The following TMEM132D variants were observed in gnomAD, a reference collection of about 807,000 sequenced individuals.
TMEM132D encodes the protein mature OL transmembrane protein.
Under a neutral mutation model 62.3 loss-of-function variants are expected in TMEM132D, and 21 were observed. The ratio of observed to expected loss-of-function variants is 0.34; its 90% confidence interval spans 0.24 to 0.49. TMEM132D has a LOEUF of 0.49. TMEM132D is among the 20% of genes least tolerant of loss of function. TMEM132D has a pLI of 0.99. For missense variants in TMEM132D, 1,346 were observed against 1,402.8 expected, an observed-to-expected ratio of 0.96 and a Z score of 0.65; for synonymous variants, 621 against 575.6, an observed-to-expected ratio of 1.08 and a Z score of -1.13.
At chr12:129,401,170 G>A (rs1871610495) in intron 3 of TMEM132D, among the ~76,000 whole-genome samples, 1 of 152,162 alleles carries the variant, frequency 6.6e-6, no homozygotes, top group Admixed American at 6.5e-5. Flanking sequence ...TACTGGGGAG[G>A]CTACAGTGAA....
intron 4 of TMEM132D, among the ~76,000 whole-genome samples, chr12:129,263,334 T>G (rs1880600928): frequency 6.6e-6 from 1 of 152,172 alleles, no homozygotes; most frequent in Non-Finnish European, 1.5e-5. Context: ...AGAAAGAACT[T>G]GGACAATAAG....
chr12:129,508,041 G>T lies in TMEM132D; in HGVS notation c.1115+23018C>A, dbSNP rs1277167985. 2.6e-5 allele frequency among the ~76,000 whole-genome samples: 4 copies of T among 152,030 alleles called. No individual in the cohort carries two copies. In the East Asian group the frequency reaches 7.7e-4, roughly 29 times the overall value. On this transcript the variant is annotated intron_variant, in intron 3 of 8. Coordinates refer to ENST00000422113, the MANE Select transcript of TMEM132D (RefSeq NM_133448.3). Reference sequence around the variant, plus strand: ...TTCCAACCCATCAGATTTGTGATAAGCTGATTTATCCTATCTTTAGGAAGA... The same window carrying T: ...TTCCAACCCATCAGATTTGTGATAATCTGATTTATCCTATCTTTAGGAAGA...
At chr12:129,658,685 T>C (rs979174992) in intron 2 of TMEM132D, among the ~76,000 whole-genome samples, 2 of 152,218 alleles carry the variant, frequency 1.3e-5, no homozygotes, top group Non-Finnish European at 2.9e-5. Context: ...GCCTAATTCC[T>C]TAAAATATTC....
intron 2 of TMEM132D, among the ~76,000 whole-genome samples, chr12:129,656,447 A>G (rs947600581): frequency 1.3e-5 from 2 of 152,182 alleles, no homozygotes; most frequent in Admixed American, 6.5e-5. Flanking sequence ...AAAGCTCCAT[A>G]TCTACAGGAG....
At chr12:129,105,942 A>T (rs1875483896) in intron 5 of TMEM132D, among the ~76,000 whole-genome samples, 1 of 151,482 alleles carries the variant, frequency 6.6e-6, no homozygotes, top group African/African-American at 2.5e-5. Flanking sequence ...ACTATAAATC[A>T]TGCTGCTATA....
Position 129,903,376 on chromosome 12 carries a change from C to T in TMEM132D, c.-37G>A, listed in dbSNP as rs1201234980. ...GGAGCGCAGATCCTCCGCTCCCCGG[C>T]GCCGTCCAGGCGAACAAGAGACCGT... On this transcript the variant is annotated 5_prime_UTR_variant, in exon 1 of 9. Transcript: ENST00000422113. This position sits in a 1 kb window ranked among gnomAD's most constrained non-coding sequence, Gnocchi z 6.2. 6.5e-7 allele frequency: 1 copy of T among 1,547,432 alleles called. No homozygotes were observed. Among genetic ancestry groups the T allele is most frequent in the Admixed American group, 2.0e-5 (1 of 51,008 alleles).
rs540085641 is a variant in TMEM132D at position 129,413,629 on chromosome 12, A to C, written c.1116-75812T>G. Among the ~76,000 whole-genome samples, 4 of 152,264 alleles carry C rather than the reference A, an allele frequency of 2.6e-5. No homozygotes were observed. In the East Asian group the frequency reaches 7.7e-4, roughly 29 times the overall value. The stretch of plus-strand genomic sequence containing the variant: ...TTCTTTTTTTGGCAAGCACCTTCCT[A>C]GTAACATTAGTCTTTTGAAAATGAT... On this transcript the variant is annotated intron_variant, in intron 3 of 8. Transcript: ENST00000422113.
At chr12:129,487,305 C>T (rs894327364) in intron 3 of TMEM132D, among the ~76,000 whole-genome samples, 1 of 152,184 alleles carries the variant, frequency 6.6e-6, no homozygotes, top group African/African-American at 2.4e-5. Flanking sequence ...AGGCTTCATA[C>T]ACTGTGGTAC....
At chr12:129,083,112 G>T (rs542667078) in intron 6 of TMEM132D, among the ~76,000 whole-genome samples, 2 of 152,306 alleles carry the variant, frequency 1.3e-5, no homozygotes, top group African/African-American at 4.8e-5. Context: ...TAGACAGAAT[G>T]GATAGCTAAC....
At chr12:129,118,897 T>C (rs1172033177) in intron 5 of TMEM132D, among the ~76,000 whole-genome samples, 1 of 152,204 alleles carries the variant, frequency 6.6e-6, no homozygotes, top group Non-Finnish European at 1.5e-5. Flanking sequence ...GCTGCTCAGC[T>C]ACTCACATGC....
rs149722763 is a variant in TMEM132D at position 129,545,940 on chromosome 12, T to A, written c.969-14735A>T. Among the ~76,000 whole-genome samples, 684 of 152,244 alleles carry A rather than the reference T, an allele frequency of 4.5e-3. 13 individuals are homozygous for A. Among genetic ancestry groups the A allele is most frequent in the Admixed American group, 0.034 (513 of 15,298 alleles). On this transcript the variant is annotated intron_variant, in intron 2 of 8. Coordinates refer to ENST00000422113, the MANE Select transcript of TMEM132D (RefSeq NM_133448.3). Reference sequence around the variant, plus strand: ...AATATGAGGAGGAACATGGTCTACATGGGAATCATAGCAGAAGGAGGGACA... The same window carrying A: ...AATATGAGGAGGAACATGGTCTACAAGGGAATCATAGCAGAAGGAGGGACA...
intron 3 of TMEM132D, among the ~76,000 whole-genome samples, chr12:129,415,262 T>C (rs1337940956): frequency 6.6e-6 from 1 of 152,220 alleles, no homozygotes; most frequent in Non-Finnish European, 1.5e-5. Flanking sequence ...TTTTCTGTAA[T>C]GCCTGTACCA....
intron 5 of TMEM132D, among the ~76,000 whole-genome samples, chr12:129,162,450 T>C (rs1284649670): frequency 6.6e-6 from 1 of 152,102 alleles, no homozygotes; most frequent in Non-Finnish European, 1.5e-5. Flanking sequence ...ACAAATACAG[T>C]GAACATGGAA....
intron 3 of TMEM132D, among the ~76,000 whole-genome samples, chr12:129,479,680 C>T (rs975413506): frequency 2.0e-5 from 3 of 152,208 alleles, no homozygotes; most frequent in Non-Finnish European, 2.9e-5. Context: ...GTGTGAGGGT[C>T]TGAAGAACGC....
At chr12:129,637,052 GC>G (rs1253468309) in intron 2 of TMEM132D, among the ~76,000 whole-genome samples, 1 of 152,096 alleles carries the variant, frequency 6.6e-6, no homozygotes, top group African/African-American at 2.4e-5. Flanking sequence ...AAATATGCAT[GC>G]TAAATTTCCA....
At chr12:129,155,599 A>G (rs531278120) in intron 5 of TMEM132D, among the ~76,000 whole-genome samples, 3 of 152,338 alleles carry the variant, frequency 2.0e-5, no homozygotes, top group East Asian at 3.9e-4. Flanking sequence ...GGGAAGCCCA[A>G]TATTAAGGTG....
intron 3 of TMEM132D, among the ~76,000 whole-genome samples, chr12:129,346,245 T>C (rs1869683301): frequency 6.6e-6 from 1 of 152,240 alleles, no homozygotes. Flanking sequence ...TGTAGTATTC[T>C]CTGATGGTAG....
chr12:129,280,866 C>T (rs1044823068), intron 4 of TMEM132D, among the ~76,000 whole-genome samples: 1 of 151,482 alleles, frequency 6.6e-6, no homozygotes, highest in African/African-American at 2.4e-5. Context: ...GGTTTTGTTT[C>T]TCCAGAGAAA....
intron 2 of TMEM132D, among the ~76,000 whole-genome samples, chr12:129,629,941 C>T (rs1305686084): frequency 6.6e-6 from 1 of 152,196 alleles, no homozygotes; most frequent in East Asian, 1.9e-4. Flanking sequence ...TCAAGATGTG[C>T]TTCTGTTTTA....
Sources: allele counts gnomAD v4.1 joint callset (sites outside exome capture counted in the v4.1 genomes callset), GRCh38; gene constraint gnomAD v4.1.1; non-coding constraint Gnocchi (gnomAD v3.1); transcripts MANE v1.5; gene names NCBI Gene and HGNC (gene_info 2026-07-23, HGNC 2026-07-21).